The following PTER variants were observed in gnomAD, a reference collection of about 807,000 sequenced individuals.
The protein encoded by PTER is N-acetyltaurine hydrolase.
PTER carries 38 observed loss-of-function variants against 29.6 expected under a neutral mutation model. The observed-to-expected ratio is 1.28, with a 90% CI of 0.99 to 1.68. PTER has a LOEUF of 1.68. Ranked by LOEUF, PTER falls within the 40% of genes most tolerant of loss-of-function variation. PTER has a pLI of 0.00. For missense variants in PTER, 482 were observed against 427.8 expected (o/e 1.13, Z -1.12); for synonymous variants, 172 against 154.5 (o/e 1.11, Z -0.84).
At chr10:16,476,350 G>A (rs1377277263) in intron 1 of PTER, among the ~76,000 whole-genome samples, 1 of 152,146 alleles carries the variant, frequency 6.6e-6, no homozygotes, top group Non-Finnish European at 1.5e-5. Flanking sequence ...AAAGTGCTGG[G>A]ATTACAGGCC....
At chr10:16,484,246 A>G (rs923422947) in intron 1 of PTER, 91 bp from the exon 2 acceptor site, 1 of 786,404 alleles carries the variant, frequency 1.3e-6, no homozygotes. Context: ...ACATGGGTAT[A>G]TGTTCACAGC....
intron 1 of PTER, among the ~76,000 whole-genome samples, chr10:16,444,937 G>A (rs1833966126): frequency 6.6e-6 from 1 of 152,086 alleles, no homozygotes; most frequent in Non-Finnish European, 1.5e-5. Flanking sequence ...AGTAAAACTT[G>A]GGGTTTTGAA....
chr10:16,452,405 T>C (rs1395509777), intron 1 of PTER, among the ~76,000 whole-genome samples: 1 of 151,612 alleles, frequency 6.6e-6, no homozygotes, highest in African/African-American at 2.4e-5. Context: ...CAAGCAGTGC[T>C]CTTGCCTCAG....
chr10:16,482,323 C>T (rs751173177), intron 1 of PTER, among the ~76,000 whole-genome samples: 11 of 152,200 alleles, frequency 7.2e-5, no homozygotes, highest in Non-Finnish European at 1.5e-4. Flanking sequence ...ATACCCTTCA[C>T]AAATTTTCCC....
chr10:16,501,019 C>T (rs191256981), intron 3 of PTER, among the ~76,000 whole-genome samples: 7 of 152,210 alleles, frequency 4.6e-5, no homozygotes, highest in Admixed American at 4.6e-4. Context: ...GCAACCTCTG[C>T]CTTCCAGGGT....
chr10:16,441,173 G>T (rs887186869), intron 1 of PTER, among the ~76,000 whole-genome samples: 14 of 152,164 alleles, frequency 9.2e-5, no homozygotes, highest in Non-Finnish European at 1.6e-4. Flanking sequence ...AAGAATCAAG[G>T]CTTTCATTTT....
At chr10:16,480,550 G>C (rs182115376) in intron 1 of PTER, among the ~76,000 whole-genome samples, 1 of 152,196 alleles carries the variant, frequency 6.6e-6, no homozygotes, top group Admixed American at 6.5e-5. Context: ...CCAGGTCAAG[G>C]GCTGGGTATA....
At chr10:16,468,995 A>G (rs1834947420) in intron 1 of PTER, among the ~76,000 whole-genome samples, 1 of 152,012 alleles carries the variant, frequency 6.6e-6, no homozygotes, top group East Asian at 1.9e-4. Context: ...AAGCCAAAAA[A>G]CAAAAATCAG....
intron 1 of PTER, among the ~76,000 whole-genome samples, chr10:16,463,864 C>T (rs1834714104): frequency 6.6e-6 from 1 of 152,122 alleles, no homozygotes; most frequent in South Asian, 2.1e-4. Context: ...GTGGATTCTG[C>T]CTTTAGTGAA....
chr10:16,462,570 C>CCT (rs1340608297), intron 1 of PTER, among the ~76,000 whole-genome samples: 2 of 126,974 alleles, frequency 1.6e-5, no homozygotes, highest in Admixed American at 1.6e-4. Context: ...ACATAATCTA[C>CCT]TTTTTTTTTT....
At chr10:16,504,150 C>T (rs1295697288) in intron 3 of PTER, among the ~76,000 whole-genome samples, 2 of 151,692 alleles carry the variant, frequency 1.3e-5, no homozygotes, top group Non-Finnish European at 2.9e-5. Flanking sequence ...CTTCTTAGCT[C>T]TCTGTGTGAT....
At chr10:16,477,258 CGATAGATAGATAGATAGATA>C (rs56294482) in intron 1 of PTER, among the ~76,000 whole-genome samples, 3 of 147,906 alleles carry the variant, frequency 2.0e-5, no homozygotes, top group Admixed American at 6.8e-5. Flanking sequence ...TTCTGTCTTT[CGATAGATAGATAGATAGATA>C]GATAGATAGA....
intron 3 of PTER, among the ~76,000 whole-genome samples, chr10:16,504,424 A>G (rs970012901): frequency 1.3e-5 from 2 of 152,130 alleles, no homozygotes; most frequent in African/African-American, 4.8e-5. Flanking sequence ...AAAAATAAGC[A>G]CTCCAGAGCA....
intron 3 of PTER, among the ~76,000 whole-genome samples, chr10:16,500,750 C>A (rs1836305408): frequency 6.6e-6 from 1 of 151,572 alleles, no homozygotes. Context: ...GTTTATATTT[C>A]TTTTTTTAGA....
chr10:16,453,861 A>G (rs757882030), intron 1 of PTER, among the ~76,000 whole-genome samples: 2 of 152,208 alleles, frequency 1.3e-5, no homozygotes, highest in African/African-American at 2.4e-5. Flanking sequence ...CCCATGTAAC[A>G]TCTTTCCACA....
chr10:16,450,747 C>T (rs1284309521), intron 1 of PTER, among the ~76,000 whole-genome samples: 1 of 152,148 alleles, frequency 6.6e-6, no homozygotes, highest in Non-Finnish European at 1.5e-5. Flanking sequence ...TCATCCTTTG[C>T]TTTCATTACC....
intron 4 of PTER, among the ~76,000 whole-genome samples, chr10:16,508,988 A>G (rs1029044264): frequency 6.6e-6 from 1 of 152,188 alleles, no homozygotes; most frequent in Non-Finnish European, 1.5e-5. Flanking sequence ...TTCTGTGTCT[A>G]ACACCTGTTT....
At chr10:16,441,519 A>T (rs1833848279) in intron 1 of PTER, among the ~76,000 whole-genome samples, 1 of 152,188 alleles carries the variant, frequency 6.6e-6, no homozygotes, top group Non-Finnish European at 1.5e-5. Flanking sequence ...TTCTGAGTTA[A>T]ACAGAAGGCA....
At chr10:16,505,214 G>A in intron 4 of PTER, 54 bp downstream of exon 4, 1 of 1,588,452 alleles carries the variant, frequency 6.3e-7, no homozygotes, top group Non-Finnish European at 8.6e-7. Context: ...CTTTTTGATT[G>A]TCATATCTAG....
Sources: gnomAD v4.1 joint callset for allele counts (sites outside exome capture counted in the v4.1 genomes callset) on GRCh38, gnomAD v4.1.1 for gene constraint, MANE v1.5 for transcripts, NCBI Gene and HGNC (gene_info 2026-07-23, HGNC 2026-07-21) for gene names.